The following TPM4 variants were observed in gnomAD, a reference collection of about 807,000 sequenced individuals.
The protein encoded by TPM4 is tropomyosin 4.
TPM4 carries 17 observed loss-of-function variants against 35.8 expected under a neutral mutation model. The ratio of observed to expected loss-of-function variants is 0.47; its 90% CI spans 0.32 to 0.71. TPM4 has a LOEUF of 0.71. Among genes scored for constraint, TPM4 ranks in the 30% least tolerant of loss-of-function variants. TPM4 has a pLI of 0.03. For missense variants in TPM4, 240 were observed against 320.9 expected (o/e 0.75, Z 1.93); for synonymous variants, 120 against 122.9 (o/e 0.98, Z 0.15).
intron 5 of TPM4, among the ~76,000 whole-genome samples, chr19:16,091,211 C>T (rs1291460713): frequency 6.6e-6 from 1 of 151,844 alleles, no homozygotes; most frequent in Non-Finnish European, 1.5e-5. Flanking sequence ...CACACCACGC[C>T]CAGCTAATTT....
chr19:16,080,808 CA>C (rs1387447092), intron 1 of TPM4: 815 of 339,894 alleles, frequency 2.4e-3, no homozygotes, highest in Middle Eastern at 3.7e-3. Flanking sequence ...GACTCCATCT[CA>C]AAAAAAAAAT....
intron 2 of TPM4, among the ~76,000 whole-genome samples, chr19:16,084,628 A>G (rs1258358648): frequency 6.6e-6 from 1 of 152,240 alleles, no homozygotes; most frequent in Non-Finnish European, 1.5e-5. Flanking sequence ...CTCAGTAGAA[A>G]GAATTATATA....
intron 3 of TPM4, 118 bp from the exon 4 acceptor site, chr19:16,087,909 C>T (rs540943077): frequency 1.3e-5 from 14 of 1,072,576 alleles, no homozygotes; most frequent in South Asian, 1.1e-4. Context: ...ACCAGAAAAA[C>T]CCATGTTGCA....
chr19:16,099,122 C>T (rs1194557775), intron 7 of TPM4, among the ~76,000 whole-genome samples: 2 of 151,882 alleles, frequency 1.3e-5, no homozygotes, highest in Non-Finnish European at 2.9e-5. Flanking sequence ...CTCTGTCACC[C>T]AGGCTGGAGG....
chr19:16,088,336 A>C, intron 4 of TPM4: 1 of 1,348,370 alleles, frequency 7.4e-7, no homozygotes, highest in Non-Finnish European at 9.6e-7. Context: ...AGGAAATAGG[A>C]GTGAGACAGG....
upstream of TPM4, chr19:16,076,440 G>A: frequency 7.4e-7 from 1 of 1,346,524 alleles, no homozygotes; most frequent in South Asian, 1.9e-5. Flanking sequence ...GGGGGGCGGG[G>A]AGAGGCGGGG....
In TPM4 at chr19:16,067,775, G is replaced by T. The variant is rs1285460974; in HGVS notation, c.114+37G>T. 13 of 1,597,840 alleles carry T rather than the reference G, an allele frequency of 8.1e-6. No homozygotes were observed. The highest frequency in any genetic ancestry group is 1.0e-5 in the Non-Finnish European group (12 of 1,173,340). The stretch of plus-strand genomic sequence containing the variant: ...TCCGCTGGGCCGCTCCGGGCTGCTG[G>T]GAGTCCTCTCTGTGCGGAAGGCCGG... On this transcript the variant is annotated intron_variant, in intron 2 of 2. Coordinates refer to the TPM4 transcript ENST00000589897. The surrounding 1 kb of genome is among the most constrained non-coding windows in gnomAD (Gnocchi z 4.1).
intron 3 of TPM4, 23 bp downstream of exon 3, chr19:16,086,563 G>T: frequency 6.3e-7 from 1 of 1,590,860 alleles, no homozygotes; most frequent in Non-Finnish European, 8.6e-7. Context: ...GGCAGATGGC[G>T]CAGCAGCAGG....
intron 1 of TPM4, chr19:16,077,975 A>G (rs2090433586): frequency 7.8e-6 from 3 of 384,840 alleles, no homozygotes; most frequent in Non-Finnish European, 1.4e-5. Context: ...GTGTCTCACC[A>G]TGCTGGCCAG....
chr19:16,073,102 G>A (rs528026339), upstream of TPM4, among the ~76,000 whole-genome samples: 21 of 151,578 alleles, frequency 1.4e-4, no homozygotes, highest in Admixed American at 1.3e-4. Context: ...CCAGCTACTC[G>A]GGAGGCTGAA....
At chr19:16,097,234 G>A (rs947938197) in intron 7 of TPM4, among the ~76,000 whole-genome samples, 1 of 150,994 alleles carries the variant, frequency 6.6e-6, no homozygotes, top group African/African-American at 2.4e-5. Context: ...GATTACAGGC[G>A]TGAGCCACTT....
intron 7 of TPM4, among the ~76,000 whole-genome samples, chr19:16,098,932 T>A (rs1188223776): frequency 6.6e-6 from 1 of 152,198 alleles, no homozygotes; most frequent in Non-Finnish European, 1.5e-5. Context: ...ATCTCTGTTA[T>A]GAGGATTAAA....
At chr19:16,091,197 C>T (rs1489444375) in intron 5 of TPM4, among the ~76,000 whole-genome samples, 1 of 152,078 alleles carries the variant, frequency 6.6e-6, no homozygotes, top group South Asian at 2.1e-4. Flanking sequence ...GGAATACAGG[C>T]GCACACACCA....
Position 16,070,643 on chromosome 19 carries a change from A to AG in TPM4, c.114+2907dup, listed in dbSNP as rs1456110071. Among the ~76,000 whole-genome samples the AG allele has an allele frequency of 6.6e-6, 1 of 152,190 alleles. No homozygotes were observed. The highest frequency in any genetic ancestry group is 2.4e-5 in the African/African-American group (1 of 41,440). ...CCTTGCCACCCCATGACAGGATTAGAGGTGACTGTACAGGTGGAACCCTTG... is the reference window on the plus strand; with the variant it reads ...CCTTGCCACCCCATGACAGGATTAGAGGGTGACTGTACAGGTGGAACCCTTG... On this transcript the variant is annotated intron_variant, in intron 2 of 2. Coordinates refer to the TPM4 transcript ENST00000589897. This position sits in a 1 kb window ranked among gnomAD's most constrained non-coding sequence, Gnocchi z 7.4.
chr19:16,076,535 C>A lies in TPM4; in HGVS notation c.-31C>A. 1.4e-6 allele frequency: 2 copies of A among 1,422,084 alleles called. No homozygotes were observed. Among genetic ancestry groups the A allele is most frequent in the South Asian group, 1.4e-5 (1 of 71,918 alleles). 88.1% of individuals were successfully genotyped at this position (1,422,084 alleles called of 1,614,324 possible). On this transcript the variant is annotated 5_prime_UTR_variant, in exon 1 of 8. Transcript: ENST00000643579. The stretch of plus-strand genomic sequence containing the variant: ...GAGCCGAGCCCAGCCGAGCGTCCGC[C>A]GCTGCCCGTGCGCCTCTGCGCCTCC...
chr19:16,094,132 T>C (rs560434580), intron 7 of TPM4, among the ~76,000 whole-genome samples: 65 of 151,990 alleles, frequency 4.3e-4, no homozygotes, highest in African/African-American at 1.5e-3. Context: ...ACCTGGCTAA[T>C]TGAATTGCCA....
intron 7 of TPM4, chr19:16,095,733 C>A: frequency 3.0e-6 from 1 of 338,864 alleles, no homozygotes; most frequent in Non-Finnish European, 4.2e-6. Context: ...CTAACGGCAT[C>A]TGCATGCCAA....
chr19:16,073,611 C>G (rs562231544), upstream of TPM4, among the ~76,000 whole-genome samples: 7 of 152,242 alleles, frequency 4.6e-5, no homozygotes, highest in East Asian at 1.2e-3. Context: ...ATCAGCTGGC[C>G]ACCCTGGATT....
At chr19:16,075,602 TTTCTCTG>T (rs2144915386), upstream of TPM4, 1 of 157,870 alleles carries the variant, frequency 6.3e-6, no homozygotes, top group African/African-American at 2.4e-5. Flanking sequence ...TGTTAGAAAG[TTTCTCTG>T]ACCCCGTGTT....
Sources: allele counts gnomAD v4.1 joint callset (sites outside exome capture counted in the v4.1 genomes callset), GRCh38; gene constraint gnomAD v4.1.1; non-coding constraint Gnocchi (gnomAD v3.1); transcripts MANE v1.5; gene names NCBI Gene and HGNC (gene_info 2026-07-23, HGNC 2026-07-21).